The following RCC2 variants were observed in gnomAD, a reference collection of about 807,000 sequenced individuals.
RCC2 encodes the protein regulator of chromosome condensation 2, also known as protein RCC2.
In RCC2, 19 loss-of-function variants were observed where a neutral mutation model predicts 64.1. The observed-to-expected ratio is 0.30, with a 90% CI of 0.21 to 0.44. The LOEUF (loss-of-function observed/expected upper bound fraction) is 0.44, where lower values mean the gene tolerates loss of function less well. Among genes scored for constraint, RCC2 ranks in the 20% least tolerant of loss-of-function variants. The pLI is 1.00. For missense variants in RCC2, 508 were observed against 710.4 expected (o/e 0.72, Z 3.24); for synonymous variants, 325 against 279.6 (o/e 1.16, Z -1.62).
At chr1:17,409,328 G>C in intron 12 of RCC2, 134 bp from the exon 13 acceptor site, 2 of 651,964 alleles carry the variant, frequency 3.1e-6, no homozygotes, top group Non-Finnish European at 5.5e-6. Flanking sequence ...ACTGCAAAAA[G>C]CCCCTCTGCC....
At chr1:17,413,385 C>G in intron 9 of RCC2, 152 bp downstream of exon 9, 1 of 949,822 alleles carries the variant, frequency 1.1e-6, no homozygotes, top group South Asian at 1.5e-5. Flanking sequence ...AGGAGTTCGA[C>G]ACCGGCCTGG....
Position 17,436,934 on chromosome 1 carries a change from G to A in RCC2, c.285+1296C>T, listed in dbSNP as rs2526823. Reference sequence around the variant, plus strand: ...AATACTTTGGCCATTGTCTAGTCTAGCCTGATCCAAGACCCCGGGCAAGAC... The same window carrying A: ...AATACTTTGGCCATTGTCTAGTCTAACCTGATCCAAGACCCCGGGCAAGAC... On this transcript the variant is annotated intron_variant, in intron 2 of 12. Coordinates refer to ENST00000375436, the MANE Select transcript of RCC2 (RefSeq NM_018715.4). Among the ~76,000 whole-genome samples the A allele has an allele frequency of 8.0e-4, 122 of 152,324 alleles. 2 individuals are homozygous for A. Among genetic ancestry groups the A allele is most frequent in the African/African-American group, 2.7e-3 (111 of 41,570 alleles).
At chr1:17,431,545 G>A (rs1285733761) in intron 2 of RCC2, among the ~76,000 whole-genome samples, 1 of 145,502 alleles carries the variant, frequency 6.9e-6, no homozygotes, top group Non-Finnish European at 1.5e-5. Flanking sequence ...AGAAAAAAGG[G>A]CAGCTCCAGG....
chr1:17,425,395 G>GCCGT, intron 4 of RCC2, 146 bp downstream of exon 4: 1 of 798,470 alleles, frequency 1.3e-6, no homozygotes, highest in Non-Finnish European at 1.9e-6. Context: ...GACGAGCTGG[G>GCCGT]AATTAGGAAA....
At chr1:17,433,009 C>T (rs534511059) in intron 2 of RCC2, among the ~76,000 whole-genome samples, 45 of 152,134 alleles carry the variant, frequency 3.0e-4, no homozygotes, top group Non-Finnish European at 5.7e-4. Context: ...TACACTCACA[C>T]ACACATATAT....
intron 2 of RCC2, among the ~76,000 whole-genome samples, chr1:17,431,459 G>A (rs1440853641): frequency 1.8e-5 from 2 of 112,956 alleles, no homozygotes; most frequent in Non-Finnish European, 3.4e-5. Context: ...CTGAGGTCAG[G>A]AGTTCAAGAC....
At chr1:17,437,048 G>A (rs1475361670) in intron 2 of RCC2, among the ~76,000 whole-genome samples, 1 of 152,184 alleles carries the variant, frequency 6.6e-6, no homozygotes, top group Admixed American at 6.5e-5. Context: ...ATATTCCCAT[G>A]TGCAATTTGC....
At chr1:17,422,965 A>AACG (rs1243958068) in intron 4 of RCC2, 129 bp from the exon 5 acceptor site, 2 of 1,228,396 alleles carry the variant, frequency 1.6e-6, no homozygotes, top group African/African-American at 3.1e-5. Context: ...CCAAATTCCC[A>AACG]ACAGCCAAGA....
At chr1:17,426,372 C>T (rs1463850687) in intron 3 of RCC2, among the ~76,000 whole-genome samples, 1 of 152,080 alleles carries the variant, frequency 6.6e-6, no homozygotes, top group Non-Finnish European at 1.5e-5. Flanking sequence ...CATGACTCCC[C>T]TGACACCCAC....
chr1:17,424,534 TAAAGTATA>T (rs2075591812), intron 4 of RCC2, among the ~76,000 whole-genome samples: 1 of 152,196 alleles, frequency 6.6e-6, no homozygotes, highest in South Asian at 2.1e-4. Flanking sequence ...CAAGAGACTA[TAAAGTATA>T]AATTTGGGCC....
intron 4 of RCC2, among the ~76,000 whole-genome samples, chr1:17,423,681 C>T (rs906564703): frequency 2.6e-5 from 4 of 152,246 alleles, no homozygotes; most frequent in African/African-American, 9.6e-5. Flanking sequence ...AAAATTCAAC[C>T]GGCCACTCTC....
chr1:17,409,222 G>T, intron 12 of RCC2, 28 bp from the exon 13 acceptor site: 3 of 1,405,590 alleles, frequency 2.1e-6, no homozygotes, highest in Non-Finnish European at 3.0e-6. Flanking sequence ...CGTTGGGTGT[G>T]CCTGAGGCGC....
intron 12 of RCC2, among the ~76,000 whole-genome samples, 154 bp downstream of exon 12, chr1:17,409,820 A>C (rs2075405528): frequency 6.6e-6 from 1 of 152,196 alleles, no homozygotes; most frequent in Non-Finnish European, 1.5e-5. Flanking sequence ...AATGATTGTT[A>C]CCTCTCAAAC....
intron 2 of RCC2, among the ~76,000 whole-genome samples, chr1:17,432,409 G>A (rs1203064104): frequency 6.6e-6 from 1 of 152,252 alleles, no homozygotes; most frequent in Non-Finnish European, 1.5e-5. Flanking sequence ...TAGAGACCCA[G>A]GAAGGGTGCT....
chr1:17,415,210 C>T (rs989389129), intron 8 of RCC2, among the ~76,000 whole-genome samples: 3 of 152,218 alleles, frequency 2.0e-5, no homozygotes, highest in Non-Finnish European at 4.4e-5. Context: ...AAACTGAAAT[C>T]TCCTACCCTA....
intron 2 of RCC2, among the ~76,000 whole-genome samples, chr1:17,430,822 G>A (rs896639338): frequency 3.4e-4 from 52 of 151,758 alleles, no homozygotes; most frequent in African/African-American, 1.0e-3. Context: ...TCTGCCTCCC[G>A]GGTTCAAACG....
Position 17,426,812 on chromosome 1 carries a change from G to A in RCC2, c.380-1128C>T, listed in dbSNP as rs192263029. 1.2e-4 allele frequency among the ~76,000 whole-genome samples: 18 copies of A among 148,224 alleles called. No homozygotes were observed. The East Asian group carries it at 3.6e-3, about 29-fold the overall frequency. On this transcript the variant is annotated intron_variant, in intron 3 of 12. Transcript: ENST00000375436. Reference sequence around the variant, plus strand: ...GACAGTTTCACTGTTGCCCAGGCTGGAGAGCAGTGGCACAATCTCGGTTCA... The same window carrying A: ...GACAGTTTCACTGTTGCCCAGGCTGAAGAGCAGTGGCACAATCTCGGTTCA...
chr1:17,410,285 G>T (rs1298427474), intron 11 of RCC2, among the ~76,000 whole-genome samples: 1 of 152,188 alleles, frequency 6.6e-6, no homozygotes, highest in African/African-American at 2.4e-5. Flanking sequence ...AGACCAAGGT[G>T]CCCAACTCTA....
At chr1:17,428,094 G>A (rs1034710628) in intron 3 of RCC2, among the ~76,000 whole-genome samples, 3 of 152,180 alleles carry the variant, frequency 2.0e-5, no homozygotes, top group East Asian at 1.9e-4. Flanking sequence ...CCTGCCACTC[G>A]CTTCCTTTGG....
Sources: gnomAD v4.1 joint callset for allele counts (sites outside exome capture counted in the v4.1 genomes callset) on GRCh38, gnomAD v4.1.1 for gene constraint, MANE v1.5 for transcripts, NCBI Gene and HGNC (gene_info 2026-07-23, HGNC 2026-07-21) for gene names.